GALNT13: variants seen among roughly 807,000 people sequenced by gnomAD.
GALNT13 encodes the protein polypeptide N-acetylgalactosaminyltransferase 13.
Under a neutral mutation model 64.2 loss-of-function variants are expected in GALNT13, and 28 were observed. The observed-to-expected ratio is 0.44, with a 90% CI of 0.32 to 0.60. The LOEUF (loss-of-function observed/expected upper bound fraction) is 0.60. Among genes scored for constraint, GALNT13 ranks in the 20% least tolerant of loss-of-function variants. GALNT13 has a pLI of 0.05. For synonymous variants in GALNT13, 214 were observed against 224.6 expected (o/e 0.95, Z 0.42); for missense variants, 577 against 669.8 (o/e 0.86, Z 1.53).
intron 3 of GALNT13, among the ~76,000 whole-genome samples, chr2:153,969,057 G>A (rs1372528593): frequency 6.6e-6 from 1 of 151,818 alleles, no homozygotes; most frequent in African/African-American, 2.4e-5. Context: ...TGATTCACTT[G>A]TAGCATATAT....
the GALNT13 span, among the ~76,000 whole-genome samples, chr2:153,704,061 A>C: frequency 6.6e-6 from 1 of 152,182 alleles, no homozygotes; most frequent in Non-Finnish European, 1.5e-5. Context: ...TGAAAACACC[A>C]GTGCATTTTA....
intron 4 of GALNT13, among the ~76,000 whole-genome samples, chr2:154,160,579 C>T (rs1016524323): frequency 1.6e-4 from 25 of 151,956 alleles, no homozygotes; most frequent in African/African-American, 5.8e-4. Flanking sequence ...TAAAAAAAAC[C>T]AAGTCATGTT....
intron 11 of GALNT13, among the ~76,000 whole-genome samples, chr2:154,433,750 C>A (rs371366771): frequency 1.1e-3 from 163 of 144,344 alleles, no homozygotes; most frequent in East Asian, 2.5e-3. Context: ...ACAGGTTAGC[C>A]AAAAAAAAAA....
At chr2:153,489,389 G>C in the GALNT13 span, among the ~76,000 whole-genome samples, 1 of 152,080 alleles carries the variant, frequency 6.6e-6, no homozygotes, top group East Asian at 1.9e-4. Flanking sequence ...TAGCACAAAA[G>C]AGACTAAGAG....
At chr2:154,097,460 T>C (rs1487742154) in intron 3 of GALNT13, among the ~76,000 whole-genome samples, 1 of 152,110 alleles carries the variant, frequency 6.6e-6, no homozygotes, top group Non-Finnish European at 1.5e-5. Flanking sequence ...AGATGAAGCC[T>C]GTTTCTGTAC....
chr2:154,407,410 A>G (rs914565099), intron 10 of GALNT13, among the ~76,000 whole-genome samples: 1 of 152,132 alleles, frequency 6.6e-6, no homozygotes, highest in Non-Finnish European at 1.5e-5. Context: ...CAACTTATAT[A>G]ATTTGATCAG....
the GALNT13 span, among the ~76,000 whole-genome samples, chr2:153,470,428 C>A: frequency 2.6e-5 from 4 of 152,146 alleles, no homozygotes; most frequent in African/African-American, 9.7e-5. Flanking sequence ...CAGCAATTGA[C>A]ACAAGATGCC....
At chr2:153,122,679 G>T in the GALNT13 span, among the ~76,000 whole-genome samples, 1 of 152,100 alleles carries the variant, frequency 6.6e-6, no homozygotes, top group South Asian at 2.1e-4. Flanking sequence ...CATAGAGCAC[G>T]CCTGCAGAGC....
chr2:153,375,957 T>C, the GALNT13 span, among the ~76,000 whole-genome samples: 15 of 152,190 alleles, frequency 9.9e-5, no homozygotes, highest in Admixed American at 1.3e-4. Context: ...AGAGCTGATA[T>C]TGGGGCTGGC....
At chr2:153,346,651 T>G in the GALNT13 span, among the ~76,000 whole-genome samples, 2 of 152,232 alleles carry the variant, frequency 1.3e-5, no homozygotes, top group Non-Finnish European at 2.9e-5. Flanking sequence ...GACCCTGGAT[T>G]TCCTGAGATA....
At chr2:153,376,132 A>C in the GALNT13 span, among the ~76,000 whole-genome samples, 1 of 152,176 alleles carries the variant, frequency 6.6e-6, no homozygotes, top group Non-Finnish European at 1.5e-5. Context: ...TTGGAGATTA[A>C]ATTTCAACAA....
chr2:154,085,657 T>C (rs1046584854), intron 3 of GALNT13, among the ~76,000 whole-genome samples: 1 of 151,946 alleles, frequency 6.6e-6, no homozygotes, highest in Non-Finnish European at 1.5e-5. Context: ...TGCAACAGAG[T>C]TTCTATGCAG....
At chr2:153,887,258 A>G (rs1217105645) in intron 1 of GALNT13, among the ~76,000 whole-genome samples, 1 of 151,368 alleles carries the variant, frequency 6.6e-6, no homozygotes, top group Admixed American at 6.6e-5. Flanking sequence ...CTTGGCACTT[A>G]GCAGGTGCTC....
chr2:154,001,995 A>T (rs1368817346), intron 3 of GALNT13, among the ~76,000 whole-genome samples: 1 of 152,090 alleles, frequency 6.6e-6, no homozygotes, highest in Non-Finnish European at 1.5e-5. Flanking sequence ...ATATTATCCC[A>T]GTCTTTCTTG....
chr2:153,107,572 C>G, the GALNT13 span, among the ~76,000 whole-genome samples: 1 of 151,996 alleles, frequency 6.6e-6, no homozygotes, highest in African/African-American at 2.4e-5. Context: ...TACATCTGAA[C>G]CAAAACAATA....
intron 12 of GALNT13, among the ~76,000 whole-genome samples, chr2:154,442,473 G>A (rs1027950958): frequency 5.3e-5 from 8 of 152,092 alleles, no homozygotes; most frequent in South Asian, 2.1e-4. Context: ...GGCATCCTGG[G>A]CATCATTAGC....
At chr2:153,462,011 A>G in the GALNT13 span, among the ~76,000 whole-genome samples, 1 of 152,058 alleles carries the variant, frequency 6.6e-6, no homozygotes, top group East Asian at 1.9e-4. Flanking sequence ...ATCTGCTGCC[A>G]CCTGGATCTT....
intron 2 of GALNT13, among the ~76,000 whole-genome samples, chr2:153,936,661 T>C (rs948066801): frequency 6.6e-6 from 1 of 152,214 alleles, no homozygotes; most frequent in African/African-American, 2.4e-5. Context: ...TACAATTTAT[T>C]TTAAATGTGA....
chr2:153,123,122 A>G, the GALNT13 span, among the ~76,000 whole-genome samples: 1 of 152,184 alleles, frequency 6.6e-6, no homozygotes, highest in Non-Finnish European at 1.5e-5. Context: ...ATGAAGATAC[A>G]GAAGACACAG....
Sources: allele counts gnomAD v4.1 joint callset (sites outside exome capture counted in the v4.1 genomes callset), GRCh38; gene constraint gnomAD v4.1.1; transcripts MANE v1.5; gene names NCBI Gene and HGNC (gene_info 2026-07-23, HGNC 2026-07-21).